LRRC49: variants seen among roughly 807,000 people sequenced by gnomAD.
The protein encoded by LRRC49 is leucine rich repeat containing 49.
LRRC49 carries 50 observed loss-of-function variants against 83.3 expected under a neutral mutation model. The ratio of observed to expected loss-of-function variants is 0.60; its 90% CI spans 0.48 to 0.76. LRRC49 has a LOEUF of 0.76. Ranked by LOEUF, LRRC49 falls within the 30% of genes least tolerant of loss-of-function variation. LRRC49 has a pLI of 0.00. For synonymous variants in LRRC49, 286 were observed against 283.3 expected, an observed-to-expected ratio of 1.01 and a Z score of -0.10; for missense variants, 704 against 809.1, an observed-to-expected ratio of 0.87 and a Z score of 1.58.
At chr15:71,001,762 G>T (rs968205811) in intron 11 of LRRC49, among the ~76,000 whole-genome samples, 1 of 152,054 alleles carries the variant, frequency 6.6e-6, no homozygotes, top group African/African-American at 2.4e-5. Flanking sequence ...CACAATCTCG[G>T]CTCACTGCAA....
intron 9 of LRRC49, among the ~76,000 whole-genome samples, chr15:70,975,132 A>T (rs2037161283): frequency 6.6e-6 from 1 of 152,172 alleles, no homozygotes; most frequent in Non-Finnish European, 1.5e-5. Flanking sequence ...CAGTGGTCAG[A>T]TTACACCTGA....
intron 1 of LRRC49, chr15:70,859,763 G>A (rs899376792): frequency 3.2e-5 from 23 of 726,422 alleles, no homozygotes; most frequent in East Asian, 5.6e-5. Context: ...GGATGCCAAC[G>A]CCAAGCTGTC....
In LRRC49 at chr15:70,894,706, A is replaced by G. The variant is rs572191238; in HGVS notation, c.105+1066A>G. 36 of 891,754 alleles carry G rather than the reference A, an allele frequency of 4.0e-5. No homozygotes were observed. The African/African-American group carries it at 5.6e-4, about 14-fold the overall frequency. The allele number at this position is 891,754 out of a possible 1,614,324, so 55.2% of individuals were successfully genotyped here. ...AAAGTTATTAAATAGGCGTCACTGGAAGAACTCTAAAGTGAAGGGCAGAGT... is the reference window on the plus strand; with the variant it reads ...AAAGTTATTAAATAGGCGTCACTGGGAGAACTCTAAAGTGAAGGGCAGAGT... On this transcript the variant is annotated intron_variant, in intron 2 of 15. Transcript: ENST00000260382.
chr15:70,941,830 G>A (rs2141166027), intron 8 of LRRC49, among the ~76,000 whole-genome samples: 1 of 152,204 alleles, frequency 6.6e-6, no homozygotes, highest in South Asian at 2.1e-4. Context: ...ATAAAATGTT[G>A]TTGAAATTAA....
intron 8 of LRRC49, among the ~76,000 whole-genome samples, chr15:70,938,029 C>A (rs1269215363): frequency 6.6e-6 from 1 of 151,946 alleles, no homozygotes; most frequent in African/African-American, 2.4e-5. Flanking sequence ...TTACAATATG[C>A]AAAATATTCT....
At chr15:70,867,815 T>C (rs1049277250) in intron 1 of LRRC49, among the ~76,000 whole-genome samples, 19 of 152,222 alleles carry the variant, frequency 1.2e-4, no homozygotes, top group African/African-American at 4.3e-4. Context: ...TCTACCACAA[T>C]GCCTGCAATC....
At chr15:71,042,143 G>A (rs1482026408) in intron 15 of LRRC49, among the ~76,000 whole-genome samples, 9 of 152,182 alleles carry the variant, frequency 5.9e-5, no homozygotes, top group African/African-American at 2.2e-4. Flanking sequence ...TTGGTAAATT[G>A]GACAGTCATT....
At chr15:70,882,545 C>T in intron 2 of LRRC49, 9 of 1,613,944 alleles carry the variant, frequency 5.6e-6, no homozygotes, top group Non-Finnish European at 7.6e-6. Flanking sequence ...TTCTGAATCA[C>T]TGGAGTAAAT....
intron 1 of LRRC49, among the ~76,000 whole-genome samples, chr15:70,872,652 A>T (rs1457236309): frequency 1.3e-5 from 2 of 152,160 alleles, no homozygotes; most frequent in Non-Finnish European, 2.9e-5. Context: ...TTCTAAAAAG[A>T]TGAGAAAATT....
At chr15:70,902,926 G>A (rs1408905280) in intron 4 of LRRC49, among the ~76,000 whole-genome samples, 1 of 152,156 alleles carries the variant, frequency 6.6e-6, no homozygotes, top group East Asian at 1.9e-4. Context: ...GAGTGACAGG[G>A]GTTTGTGGGG....
chr15:70,954,686 T>A (rs2036335624), intron 8 of LRRC49, among the ~76,000 whole-genome samples: 1 of 151,470 alleles, frequency 6.6e-6, no homozygotes, highest in Non-Finnish European at 1.5e-5. Context: ...TTCTGGATGC[T>A]TTTAGGGGGC....
chr15:71,008,472 T>C lies in LRRC49; in HGVS notation c.1263T>C (p.Tyr421=). Residue 421 remains tyrosine (Y), a synonymous_variant, in exon 12 of 16, where the codon TAT becomes TAC. Transcript: ENST00000260382. ...TGGACGGGGATACACTTTCCCTATA[T>C]GGCTCAGGAGCACTGGAATCTCTGG... is the stretch of plus-strand genomic sequence containing the variant. ...VEVDGDTLSL[Y]GSGALESLDR... The C allele has an allele frequency of 6.2e-7, 1 of 1,612,984 alleles. No homozygotes were observed. The highest frequency in any genetic ancestry group is 8.5e-7 in the Non-Finnish European group (1 of 1,179,242).
intron 8 of LRRC49, among the ~76,000 whole-genome samples, chr15:70,951,190 T>C (rs1478104911): frequency 6.6e-6 from 1 of 152,094 alleles, no homozygotes; most frequent in Non-Finnish European, 1.5e-5. Context: ...GGTTAGGTAA[T>C]GTTATGCCTC....
chr15:70,902,647 G>C (rs540907830), intron 4 of LRRC49: 6 of 152,416 alleles, frequency 3.9e-5, no homozygotes, highest in Admixed American at 2.0e-4. Flanking sequence ...TTAGCTAGGA[G>C]CCTGAGGGGT....
chr15:70,965,702 T>G (rs1207168512), intron 9 of LRRC49, among the ~76,000 whole-genome samples: 1 of 152,148 alleles, frequency 6.6e-6, no homozygotes, highest in Non-Finnish European at 1.5e-5. Flanking sequence ...TTCTTCATAT[T>G]TATCTCTTTA....
At chr15:70,865,990 T>C (rs1322631861) in intron 1 of LRRC49, among the ~76,000 whole-genome samples, 1 of 152,204 alleles carries the variant, frequency 6.6e-6, no homozygotes, top group African/African-American at 2.4e-5. Context: ...ATATGCATCA[T>C]ATTTTTGACT....
At position 70,970,310 on chromosome 15, in the gene LRRC49, G is replaced by A. The variant is rs772056971; in HGVS notation, c.921+6378G>A. ...GATTTGAGTATGTTGAACCAGCCTT[G>A]CATCCCAGGGATGAAGCTGGGTTGA... On this transcript the variant is annotated intron_variant, in intron 9 of 15. Coordinates refer to ENST00000260382, the MANE Select transcript of LRRC49 (RefSeq NM_017691.5). Among the ~76,000 whole-genome samples the A allele has an allele frequency of 5.3e-5, 8 of 152,172 alleles. No homozygotes were observed. In the South Asian group the frequency reaches 6.2e-4, roughly 12 times the overall value.
At chr15:70,907,882 G>A (rs894800559) in intron 5 of LRRC49, 7 of 430,790 alleles carry the variant, frequency 1.6e-5, no homozygotes, top group Admixed American at 4.9e-5. Context: ...TCAAATTTGG[G>A]GGCACTGGCT....
At chr15:70,983,557 C>A (rs192170490) in intron 10 of LRRC49, among the ~76,000 whole-genome samples, 161 of 152,126 alleles carry the variant, frequency 1.1e-3, no homozygotes, top group African/African-American at 3.7e-3. Flanking sequence ...TTTTAATAGT[C>A]TAGAGAATAA....
Sources: allele counts gnomAD v4.1 joint callset (sites outside exome capture counted in the v4.1 genomes callset), GRCh38; gene constraint gnomAD v4.1.1; transcripts MANE v1.5; gene names NCBI Gene and HGNC (gene_info 2026-07-23, HGNC 2026-07-21).